Variants in NRXN3 observed in about 807,000 individuals in gnomAD.
NRXN3 encodes neurexin III.
In NRXN3, 32 loss-of-function variants were observed where a neutral mutation model predicts 137.6. The observed-to-expected ratio is 0.23, with a 90% CI of 0.18 to 0.31. The LOEUF is 0.31. NRXN3 is among the 10% of genes least tolerant of loss of function. The pLI is 1.00. For missense variants in NRXN3, 1,574 were observed against 2,062.5 expected, an observed-to-expected ratio of 0.76 and a Z score of 4.59; for synonymous variants, 798 against 784.5, an observed-to-expected ratio of 1.02 and a Z score of -0.29.
rs2098719563 is a variant in NRXN3 at position 79,692,282 on chromosome 14, T to C, written c.3706+20T>C. 6.4e-7 allele frequency: 1 copy of C among 1,560,534 alleles called. No homozygotes were observed. Among genetic ancestry groups the C allele is most frequent in the East Asian group, 2.3e-5 (1 of 44,260 alleles). On this transcript the variant is annotated intron_variant, in intron 18 of 20. Coordinates refer to ENST00000335750, the MANE Select transcript of NRXN3 (RefSeq NM_001330195.2). Reference sequence around the variant, plus strand: ...AAAAAGGTAACCGTCATTAAAACTTTCATTTTAAAATCATTTGATCCTAAA... The same window carrying C: ...AAAAAGGTAACCGTCATTAAAACTTCCATTTTAAAATCATTTGATCCTAAA...
chr14:78,902,442 TAAG>T (rs376707003), intron 10 of NRXN3, among the ~76,000 whole-genome samples: 63 of 152,180 alleles, frequency 4.1e-4, no homozygotes, highest in African/African-American at 1.4e-3. Flanking sequence ...TATTTTAAAA[TAAG>T]GTATTTTCAA....
chr14:79,306,936 G>A (rs1177275805), intron 15 of NRXN3, among the ~76,000 whole-genome samples: 1 of 152,066 alleles, frequency 6.6e-6, no homozygotes, highest in Non-Finnish European at 1.5e-5. Flanking sequence ...CAGATAGGGT[G>A]AACCTTTTTT....
At chr14:79,774,222 G>T (rs1011933861) in intron 19 of NRXN3, among the ~76,000 whole-genome samples, 11 of 152,140 alleles carry the variant, frequency 7.2e-5, no homozygotes, top group African/African-American at 2.7e-4. Flanking sequence ...ATTGACTGGG[G>T]TTTGTTGAGT....
intron 19 of NRXN3, among the ~76,000 whole-genome samples, chr14:79,801,558 A>G (rs889580223): frequency 6.6e-6 from 1 of 152,240 alleles, no homozygotes; most frequent in African/African-American, 2.4e-5. Context: ...ACGCACACAC[A>G]CACATCCCAG....
At chr14:79,540,004 T>A (rs1359273156) in intron 16 of NRXN3, among the ~76,000 whole-genome samples, 1 of 151,920 alleles carries the variant, frequency 6.6e-6, no homozygotes, top group African/African-American at 2.4e-5. Flanking sequence ...TGTGGGTGAG[T>A]AGAGGGGAGT....
intron 19 of NRXN3, among the ~76,000 whole-genome samples, chr14:79,715,830 T>C (rs1346239188): frequency 1.3e-5 from 2 of 152,140 alleles, no homozygotes; most frequent in Admixed American, 1.3e-4. Context: ...CTGTGCAGGA[T>C]GAGATATTAG....
At chr14:78,342,817 T>C (rs2082282357) in intron 4 of NRXN3, among the ~76,000 whole-genome samples, 1 of 152,190 alleles carries the variant, frequency 6.6e-6, no homozygotes, top group South Asian at 2.1e-4. Context: ...GTGTTTTTGA[T>C]AGGATATTTT....
chr14:79,536,548 A>G (rs902191140), intron 16 of NRXN3, among the ~76,000 whole-genome samples: 1 of 151,870 alleles, frequency 6.6e-6, no homozygotes, highest in Non-Finnish European at 1.5e-5. Context: ...TGCAGTACCT[A>G]TCAACCCATC....
At chr14:78,171,469 C>T (rs1311752646) in intron 1 of NRXN3, among the ~76,000 whole-genome samples, 2 of 152,166 alleles carry the variant, frequency 1.3e-5, no homozygotes, top group Non-Finnish European at 2.9e-5. Flanking sequence ...AACTTCCACT[C>T]TGTGTAAGCA....
chr14:78,178,578 TG>T (rs942996933), intron 1 of NRXN3, among the ~76,000 whole-genome samples: 2 of 152,114 alleles, frequency 1.3e-5, no homozygotes, highest in African/African-American at 4.8e-5. Context: ...TAAACCTGCA[TG>T]GGACAGCCAC....
At chr14:79,064,733 GTATATGTA>G (rs891276159) in intron 15 of NRXN3, among the ~76,000 whole-genome samples, 1 of 53,048 alleles carries the variant, frequency 1.9e-5, no homozygotes, top group Non-Finnish European at 4.9e-5. Flanking sequence ...CCATATATAT[GTATATGTA>G]TATATATATA....
chr14:78,309,977 C>T (rs2077780258), intron 4 of NRXN3, among the ~76,000 whole-genome samples: 1 of 152,092 alleles, frequency 6.6e-6, no homozygotes, highest in Admixed American at 6.6e-5. Context: ...ATACACACCA[C>T]AGATGTTAAA....
chr14:79,603,601 A>AT (rs1283970314), intron 16 of NRXN3, among the ~76,000 whole-genome samples: 4 of 150,756 alleles, frequency 2.7e-5, no homozygotes, highest in Non-Finnish European at 5.9e-5. Context: ...TGTTCTTGTC[A>AT]TTTTTTTTCA....
intron 8 of NRXN3, among the ~76,000 whole-genome samples, chr14:78,729,521 C>A (rs1460721912): frequency 6.6e-6 from 1 of 152,306 alleles, no homozygotes; most frequent in East Asian, 1.9e-4. Context: ...TCTTCCACAT[C>A]TTTTCATTCA....
At chr14:78,735,956 C>G (rs1251550193) in intron 8 of NRXN3, among the ~76,000 whole-genome samples, 1 of 152,182 alleles carries the variant, frequency 6.6e-6, no homozygotes, top group African/African-American at 2.4e-5. Flanking sequence ...AACATCCAGT[C>G]TGGGAATGAT....
chr14:79,012,855 C>T (rs1051053745), intron 15 of NRXN3, among the ~76,000 whole-genome samples: 1 of 152,128 alleles, frequency 6.6e-6, no homozygotes, highest in Non-Finnish European at 1.5e-5. Flanking sequence ...AACATTTCCC[C>T]CCATCAAACC....
At chr14:78,789,781 T>C (rs1487451136) in intron 8 of NRXN3, among the ~76,000 whole-genome samples, 1 of 152,114 alleles carries the variant, frequency 6.6e-6, no homozygotes, top group African/African-American at 2.4e-5. Flanking sequence ...TTCCCACTCT[T>C]CTCTTTGCTC....
intron 16 of NRXN3, among the ~76,000 whole-genome samples, chr14:79,494,447 A>C (rs565155710): frequency 6.6e-6 from 1 of 152,286 alleles, no homozygotes; most frequent in African/African-American, 2.4e-5. Flanking sequence ...AAGAGGTGAA[A>C]AGTGAGTTGC....
chr14:79,537,915 C>A (rs367594194), intron 16 of NRXN3, among the ~76,000 whole-genome samples: 290 of 152,208 alleles, frequency 1.9e-3, no homozygotes, highest in Admixed American at 3.7e-3. Context: ...CCAACAGTGT[C>A]AAAGTGTTCC....
Sources: gnomAD v4.1 joint callset for allele counts (sites outside exome capture counted in the v4.1 genomes callset) on GRCh38, gnomAD v4.1.1 for gene constraint, MANE v1.5 for transcripts, NCBI Gene and HGNC (gene_info 2026-07-23, HGNC 2026-07-21) for gene names.